LGSN: variants seen among roughly 807,000 people sequenced by gnomAD.
LGSN encodes lengsin.
A neutral mutation model predicts 19.5 loss-of-function variants in LGSN; 21 were observed. The ratio of observed to expected loss-of-function variants is 1.07; its 90% CI spans 0.76 to 1.55. LGSN has a LOEUF of 1.55. LGSN is among the 40% of genes most tolerant of loss of function. The pLI, the probability that LGSN is intolerant of heterozygous loss-of-function variation, is 0.00. For synonymous variants in LGSN, 257 were observed against 215.6 expected, an observed-to-expected ratio of 1.19 and a Z score of -1.68; for missense variants, 673 against 608.5, an observed-to-expected ratio of 1.11 and a Z score of -1.12.
the LGSN span, among the ~76,000 whole-genome samples, chr6:63,358,159 T>A: frequency 6.6e-6 from 1 of 152,218 alleles, no homozygotes; most frequent in African/African-American, 2.4e-5. Context: ...GTGGCATTAT[T>A]TCTGAGGGCT....
chr6:63,325,605 G>A, the LGSN span, among the ~76,000 whole-genome samples: 10 of 152,258 alleles, frequency 6.6e-5, no homozygotes, highest in South Asian at 4.1e-4. Flanking sequence ...TAATGTGTCC[G>A]GAATTGGTGG....
chr6:63,548,398 G>A, the LGSN span, among the ~76,000 whole-genome samples: 2 of 152,292 alleles, frequency 1.3e-5, no homozygotes, highest in Non-Finnish European at 2.9e-5. Flanking sequence ...AACGGCACTA[G>A]GCAAGCACTT....
chr6:63,340,603 A>T, the LGSN span, among the ~76,000 whole-genome samples: 7 of 114,268 alleles, frequency 6.1e-5, no homozygotes, highest in Admixed American at 8.7e-5. Flanking sequence ...CATTTCCAGG[A>T]TTTCTGTTTG....
At chr6:63,283,504 TA>T (rs957265232) in intron 3 of LGSN, among the ~76,000 whole-genome samples, 13 of 152,118 alleles carry the variant, frequency 8.5e-5, no homozygotes, top group African/African-American at 2.9e-4. Context: ...ATAATTTAAA[TA>T]AAAATCTGCC....
the LGSN span, among the ~76,000 whole-genome samples, chr6:63,533,037 T>A: frequency 6.6e-6 from 1 of 152,182 alleles, no homozygotes; most frequent in South Asian, 2.1e-4. Flanking sequence ...GACAGAGGCA[T>A]CAAAATCTAT....
the LGSN span, among the ~76,000 whole-genome samples, chr6:63,550,012 T>C: frequency 6.6e-6 from 1 of 152,204 alleles, no homozygotes; most frequent in African/African-American, 2.4e-5. Flanking sequence ...ACACACTAAT[T>C]ACTCTGATCT....
the LGSN span, among the ~76,000 whole-genome samples, chr6:63,474,217 C>T: frequency 6.6e-6 from 1 of 152,216 alleles, no homozygotes; most frequent in Admixed American, 6.5e-5. Flanking sequence ...TTTTCTCTAA[C>T]ATGCAAACCA....
the LGSN span, among the ~76,000 whole-genome samples, chr6:63,498,753 G>C: frequency 6.6e-6 from 1 of 152,166 alleles, no homozygotes; most frequent in Middle Eastern, 3.4e-3. Flanking sequence ...CATGTGGGTA[G>C]GGAATGAAAG....
At chr6:63,559,192 G>A in the LGSN span, among the ~76,000 whole-genome samples, 4 of 152,036 alleles carry the variant, frequency 2.6e-5, no homozygotes, top group Non-Finnish European at 5.9e-5. Context: ...ATGCTAATGA[G>A]GAAAAATATC....
upstream of LGSN, among the ~76,000 whole-genome samples, chr6:63,321,182 T>C (rs563652212): frequency 3.9e-4 from 60 of 152,324 alleles, no homozygotes; most frequent in African/African-American, 1.4e-3. Flanking sequence ...TCCCACAATG[T>C]CTTGTACCAG....
At chr6:63,363,065 G>C in the LGSN span, among the ~76,000 whole-genome samples, 1 of 152,144 alleles carries the variant, frequency 6.6e-6, no homozygotes, top group Non-Finnish European at 1.5e-5. Flanking sequence ...GCCTCTGATA[G>C]TGATACCCAG....
At chr6:63,383,660 T>C in the LGSN span, among the ~76,000 whole-genome samples, 1 of 152,182 alleles carries the variant, frequency 6.6e-6, no homozygotes, top group Admixed American at 6.5e-5. Context: ...AGACAAGTCA[T>C]ATACTAGATT....
At chr6:63,445,056 A>T in the LGSN span, among the ~76,000 whole-genome samples, 2 of 152,204 alleles carry the variant, frequency 1.3e-5, no homozygotes, top group Non-Finnish European at 2.9e-5. Flanking sequence ...TTTTGCCTGA[A>T]TCCCAGCACT....
chr6:63,484,750 C>CTCTGAGGTAA, the LGSN span, among the ~76,000 whole-genome samples: 1 of 152,222 alleles, frequency 6.6e-6, no homozygotes, highest in Non-Finnish European at 1.5e-5. Flanking sequence ...ATACCCAAAG[C>CTCTGAGGTAA]ATTATACTGG....
the LGSN span, among the ~76,000 whole-genome samples, chr6:63,429,786 C>T: frequency 6.6e-6 from 1 of 151,044 alleles, no homozygotes; most frequent in African/African-American, 2.4e-5. Context: ...GCTGACTCAA[C>T]TGCTCAACAA....
chr6:63,412,403 GAAAGAAAGAAA>G, the LGSN span, among the ~76,000 whole-genome samples: 24 of 114,536 alleles, frequency 2.1e-4, no homozygotes, highest in African/African-American at 9.4e-4. Flanking sequence ...AAGAAGGAAA[GAAAGAAAGAAA>G]GAAGAAAGAA....
At chr6:63,361,741 C>T in the LGSN span, among the ~76,000 whole-genome samples, 5 of 152,076 alleles carry the variant, frequency 3.3e-5, no homozygotes, top group East Asian at 1.9e-4. Context: ...TCAACTCCTT[C>T]GTCGCTCAGG....
chr6:63,417,056 T>A, the LGSN span, among the ~76,000 whole-genome samples: 3 of 152,082 alleles, frequency 2.0e-5, no homozygotes, highest in Non-Finnish European at 4.4e-5. Flanking sequence ...CTTTAACCTG[T>A]TTTGTGATGC....
At chr6:63,485,500 G>A in the LGSN span, among the ~76,000 whole-genome samples, 8 of 152,186 alleles carry the variant, frequency 5.3e-5, no homozygotes, top group South Asian at 2.1e-4. Flanking sequence ...GAATATATGC[G>A]TACATGTGTC....
Sources: gnomAD v4.1 joint callset for allele counts (sites outside exome capture counted in the v4.1 genomes callset) on GRCh38, gnomAD v4.1.1 for gene constraint, MANE v1.5 for transcripts, NCBI Gene and HGNC (gene_info 2026-07-23, HGNC 2026-07-21) for gene names.